Variants in RPS6KA5 observed in about 807,000 individuals in gnomAD.
The protein encoded by RPS6KA5 is ribosomal protein S6 kinase A5.
RPS6KA5 carries 27 observed loss-of-function variants against 85.5 expected under a neutral mutation model. The ratio of observed to expected loss-of-function variants is 0.32; its 90% CI spans 0.23 to 0.44. The LOEUF (loss-of-function observed/expected upper bound fraction) is 0.44. RPS6KA5 is among the 20% of genes least tolerant of loss of function. The pLI, the probability that RPS6KA5 is intolerant of heterozygous loss-of-function variation, is 1.00. For missense variants in RPS6KA5, 811 were observed against 980.9 expected (o/e 0.83, Z 2.31); for synonymous variants, 334 against 348.2 (o/e 0.96, Z 0.46).
At chr14:90,952,296 C>A (rs1308284091) in intron 3 of RPS6KA5, among the ~76,000 whole-genome samples, 3 of 152,204 alleles carry the variant, frequency 2.0e-5, no homozygotes. Flanking sequence ...TATTAACTCC[C>A]GTTTTGACTC....
intron 2 of RPS6KA5, among the ~76,000 whole-genome samples, chr14:90,995,901 G>A (rs560753091): frequency 4.5e-4 from 68 of 152,240 alleles, no homozygotes; most frequent in African/African-American, 1.6e-3. Flanking sequence ...GCAACATAAC[G>A]AGACCCTGTC....
intron 1 of RPS6KA5, among the ~76,000 whole-genome samples, chr14:91,043,922 A>G (rs1042373396): frequency 6.6e-6 from 1 of 152,176 alleles, no homozygotes; most frequent in African/African-American, 2.4e-5. Context: ...AACTGACCTT[A>G]CGATAAGAAA....
chr14:90,917,569 T>TC (rs1259543447), intron 7 of RPS6KA5, among the ~76,000 whole-genome samples: 2 of 152,140 alleles, frequency 1.3e-5, no homozygotes, highest in Non-Finnish European at 2.9e-5. Context: ...CCTCCCCCAA[T>TC]CCCAGTCCCT....
chr14:91,030,487 TG>T (rs1037123000), intron 1 of RPS6KA5, among the ~76,000 whole-genome samples: 9 of 151,834 alleles, frequency 5.9e-5, no homozygotes, highest in African/African-American at 1.7e-4. Flanking sequence ...AACTATACCA[TG>T]TAAGCCTCCA....
intron 5 of RPS6KA5, among the ~76,000 whole-genome samples, chr14:90,923,975 TG>T (rs1187578112): frequency 6.6e-6 from 1 of 152,126 alleles, no homozygotes; most frequent in African/African-American, 2.4e-5. Flanking sequence ...CCAAGTTAAG[TG>T]CTTAAAAGAT....
intron 5 of RPS6KA5, among the ~76,000 whole-genome samples, chr14:90,925,941 C>CAAAAAAAAAAAAAAAAAAAAA (rs71117389): frequency 1.4e-5 from 1 of 73,526 alleles, no homozygotes; most frequent in Non-Finnish European, 2.5e-5. Flanking sequence ...GACCCTGACT[C>CAAAAAAAAAAAAAAAAAAAAA]AAAAAAAAAA....
chr14:90,914,947 T>C (rs563714014), intron 7 of RPS6KA5, among the ~76,000 whole-genome samples: 6 of 152,138 alleles, frequency 3.9e-5, no homozygotes, highest in South Asian at 4.1e-4. Context: ...CTGGGAAACA[T>C]AGATGCTCAT....
In RPS6KA5 at chr14:90,863,189, G is replaced by C. The variant is rs1479397006; in HGVS notation, c.*8885C>G. On this transcript the variant is annotated 3_prime_UTR_variant, in exon 17 of 17. Transcript: ENST00000614987. ...GTGGTGGTGCATGCCTGTGGTCCCA[G>C]CCACCCGGGAGACTGAGGCAGAAGA... 1 of 150,364 alleles carries C rather than the reference G, an allele frequency of 6.7e-6. No individual in the cohort carries two copies. Among genetic ancestry groups the C allele is most frequent in the Non-Finnish European group, 1.5e-5 (1 of 67,632 alleles). 9.3% of individuals were successfully genotyped at this position (150,364 alleles called of 1,614,324 possible). A position where few individuals can be genotyped will look rare whatever the true frequency, so the allele number is the denominator to read the frequency against.
intron 1 of RPS6KA5, among the ~76,000 whole-genome samples, chr14:91,054,207 A>T (rs2043211941): frequency 1.3e-5 from 2 of 152,224 alleles, no homozygotes; most frequent in Non-Finnish European, 1.5e-5. Flanking sequence ...TGGATCAATG[A>T]TCTAAATGTA....
chr14:90,982,488 A>G lies in RPS6KA5; in HGVS notation c.176-3964T>C, dbSNP rs75905983. On this transcript the variant is annotated intron_variant, in intron 2 of 16. Transcript: ENST00000614987. ...AAAGGAAGAAAAAAAAGATAAAACA[A>G]TAGTACTTCCTGCTTGGATGGAGCT... Among the ~76,000 whole-genome samples, 1,226 of 152,296 alleles carry G rather than the reference A, an allele frequency of 8.1e-3. 10 individuals carry two copies. Among genetic ancestry groups the G allele is most frequent in the African/African-American group, 0.028 (1,151 of 41,550 alleles).
chr14:91,045,206 C>T (rs1292479992), intron 1 of RPS6KA5, among the ~76,000 whole-genome samples: 1 of 151,264 alleles, frequency 6.6e-6, no homozygotes, highest in East Asian at 1.9e-4. Flanking sequence ...TTCAAACACA[C>T]ATTTGTTCCA....
At chr14:90,877,919 AC>A (rs2033582730) in intron 14 of RPS6KA5, among the ~76,000 whole-genome samples, 1 of 152,234 alleles carries the variant, frequency 6.6e-6, no homozygotes, top group African/African-American at 2.4e-5. Flanking sequence ...CATTTAACAT[AC>A]CTAGTATTGT....
intron 1 of RPS6KA5, among the ~76,000 whole-genome samples, chr14:91,045,089 C>A (rs1013984754): frequency 6.6e-6 from 1 of 152,098 alleles, no homozygotes; most frequent in Non-Finnish European, 1.5e-5. Context: ...GATTTATAAT[C>A]TACTAAACTG....
In RPS6KA5 at chr14:90,895,422, T is replaced by G. The variant is rs138395829; in HGVS notation, c.1474-839A>C. Among the ~76,000 whole-genome samples the G allele has an allele frequency of 6.6e-3, 1,011 of 152,296 alleles. 6 individuals carry two copies. The highest frequency in any genetic ancestry group is 1.0e-2 in the Non-Finnish European group (680 of 68,024). ...AACCTCCTGTTAGGACTCAACAGAT[T>G]AGTTTCAGGGTTCCTGTTAATATTC... On this transcript the variant is annotated intron_variant, in intron 12 of 16. Coordinates refer to ENST00000614987, the MANE Select transcript of RPS6KA5 (RefSeq NM_004755.4).
At chr14:91,044,285 G>GAA (rs2042725208) in intron 1 of RPS6KA5, among the ~76,000 whole-genome samples, 1 of 135,402 alleles carries the variant, frequency 7.4e-6, no homozygotes, top group African/African-American at 3.0e-5. Context: ...AAGAAAGAGA[G>GAA]AGAGAGAGAA....
Position 90,849,091 on chromosome 14 carries a change from G to A in RPS6KA5, c.*22983C>T, listed in dbSNP as rs537265433. ...CAAGCAAATTTCTGCAAATAGAAGC[G>A]TTCACCCCACAGATGAGAAAAGGGG... On this transcript the variant is annotated 3_prime_UTR_variant, in exon 17 of 17. Coordinates refer to ENST00000614987, the MANE Select transcript of RPS6KA5 (RefSeq NM_004755.4). 6.6e-6 allele frequency: 1 copy of A among 152,298 alleles called. No homozygotes were observed. The highest frequency in any genetic ancestry group is 6.5e-5 in the Admixed American group (1 of 15,290). 9.4% of individuals were successfully genotyped at this position (152,298 alleles called of 1,614,324 possible).
intron 7 of RPS6KA5, among the ~76,000 whole-genome samples, chr14:90,911,769 A>C (rs932695246): frequency 5.3e-5 from 8 of 152,262 alleles, no homozygotes; most frequent in African/African-American, 1.9e-4. Flanking sequence ...CAAGTAAAAA[A>C]GAATAAAACA....
chr14:91,019,629 T>C (rs1227904614), intron 1 of RPS6KA5, among the ~76,000 whole-genome samples: 1 of 151,798 alleles, frequency 6.6e-6, no homozygotes, highest in African/African-American at 2.4e-5. Flanking sequence ...CTTACAATGA[T>C]TCTATTTACA....
At chr14:91,044,207 A>G (rs2042712092) in intron 1 of RPS6KA5, among the ~76,000 whole-genome samples, 5 of 151,090 alleles carry the variant, frequency 3.3e-5, no homozygotes, top group Admixed American at 2.6e-4. Flanking sequence ...GGCCTGGGCA[A>G]CAAGAGTAAA....
Sources: gnomAD v4.1 joint callset for allele counts (sites outside exome capture counted in the v4.1 genomes callset) on GRCh38, gnomAD v4.1.1 for gene constraint, MANE v1.5 for transcripts, NCBI Gene and HGNC (gene_info 2026-07-23, HGNC 2026-07-21) for gene names.